The following BMF variants were observed in gnomAD, a reference collection of about 807,000 sequenced individuals.
BMF encodes Bcl2 modifying factor, also known as bcl-2-modifying factor.
A neutral mutation model predicts 22.0 loss-of-function variants in BMF; 10 were observed. The observed-to-expected ratio is 0.45, with a 90% confidence interval of 0.28 to 0.77. The LOEUF (loss-of-function observed/expected upper bound fraction) is 0.77. Among genes scored for constraint, BMF ranks in the 30% least tolerant of loss-of-function variants. BMF has a pLI of 0.13. For missense variants in BMF, 206 were observed against 226.8 expected (o/e 0.91, Z 0.59); for synonymous variants, 87 against 88.1 (o/e 0.99, Z 0.07).
At position 40,104,271 on chromosome 15, in the gene BMF, G is replaced by A. The variant is rs746581474; in HGVS notation, c.362C>T (p.Pro121Leu). Residue 121 changes from proline (P) to leucine (L), a missense_variant, in exon 4 of 5, where the codon CCC (proline) becomes CTC (leucine). Physicochemically the swap from Pro to Leu is moderately conservative, Grantham distance 98 (BLOSUM62 -3). Coordinates refer to ENST00000354670, the MANE Select transcript of BMF (RefSeq NM_001003940.2). ...TGCTTGATGTTGCCACTGCCCTTCG[G>A]GGGGCTGCTCCCCAATGGGCAAGAC... ...PAVLPIGEQP[P>L]EGQWQHQAEV... 6.2e-6 allele frequency: 10 copies of A among 1,614,244 alleles called. No individual in the cohort carries two copies. The highest frequency in any genetic ancestry group is 8.5e-6 in the Non-Finnish European group (10 of 1,180,050).
chr15:40,098,444 T>C (rs1260470135), intron 4 of BMF, among the ~76,000 whole-genome samples: 1 of 150,250 alleles, frequency 6.7e-6, no homozygotes, highest in Non-Finnish European at 1.5e-5. Context: ...GTGTGTGCCC[T>C]GGTTAAAGAA....
At chr15:40,097,015 A>G (rs2036375960) in intron 4 of BMF, among the ~76,000 whole-genome samples, 1 of 152,218 alleles carries the variant, frequency 6.6e-6, no homozygotes, top group Non-Finnish European at 1.5e-5. Flanking sequence ...TTTCCCTGTC[A>G]TTCTCTAAAC....
At chr15:40,094,997 T>A (rs535216304) in intron 4 of BMF, among the ~76,000 whole-genome samples, 38 of 152,356 alleles carry the variant, frequency 2.5e-4, no homozygotes, top group South Asian at 1.2e-3. Flanking sequence ...CACAGCCTTT[T>A]GGAAACCACA....
intron 4 of BMF, among the ~76,000 whole-genome samples, chr15:40,102,181 C>T (rs576518392): frequency 3.3e-5 from 5 of 152,264 alleles, no homozygotes; most frequent in Middle Eastern, 3.4e-3. Flanking sequence ...GTAGTCCCAG[C>T]ACTTTGGGAG....
rs2036213042 is a variant in BMF, at chr15:40,090,611, G to A, written c.*1176C>T. The A allele has an allele frequency of 6.6e-6, 1 of 152,562 alleles. No homozygotes were observed. Among genetic ancestry groups the A allele is most frequent in the Admixed American group, 6.5e-5 (1 of 15,286 alleles). The allele number at this position is 152,562 out of a possible 1,614,324, so 9.5% of individuals were successfully genotyped here. A position where few individuals can be genotyped will look rare whatever the true frequency, so the allele number is the denominator to read the frequency against. On this transcript the variant is annotated 3_prime_UTR_variant, in exon 5 of 5. Transcript: ENST00000354670. ...TGCCCTTCTGGCCTAGCTGGAAGCT[G>A]GAGGAAGATAGGAAATGTGTACCCA...
At chr15:40,108,032 G>T (rs943517213) in intron 2 of BMF, 2 of 152,470 alleles carry the variant, frequency 1.3e-5, no homozygotes, top group African/African-American at 4.8e-5. Context: ...GATGTCCAGA[G>T]CGGTGGGAGG....
At chr15:40,103,549 C>T (rs950976637) in intron 4 of BMF, among the ~76,000 whole-genome samples, 3 of 152,228 alleles carry the variant, frequency 2.0e-5, no homozygotes, top group African/African-American at 4.8e-5. Context: ...CCCGCCCTGG[C>T]GGGGCTGGTG....
intron 4 of BMF, among the ~76,000 whole-genome samples, chr15:40,102,593 T>TG (rs898936019): frequency 6.6e-6 from 1 of 152,066 alleles, no homozygotes; most frequent in Non-Finnish European, 1.5e-5. Flanking sequence ...GGGAATATTC[T>TG]GGGGAATAAC....
At chr15:40,099,650 A>G (rs1217449811) in intron 4 of BMF, among the ~76,000 whole-genome samples, 1 of 152,064 alleles carries the variant, frequency 6.6e-6, no homozygotes, top group Non-Finnish European at 1.5e-5. Context: ...ATGGTGGTGC[A>G]TGCCTGTAAT....
chr15:40,097,199 CTGAG>C (rs2036381519), intron 4 of BMF, among the ~76,000 whole-genome samples: 1 of 150,822 alleles, frequency 6.6e-6, no homozygotes, highest in Non-Finnish European at 1.5e-5. Context: ...AAGCACCCAA[CTGAG>C]CTACCAAGCA....
intron 4 of BMF, among the ~76,000 whole-genome samples, chr15:40,103,579 C>T (rs2036523369): frequency 6.6e-6 from 1 of 152,178 alleles, no homozygotes; most frequent in Non-Finnish European, 1.5e-5. Flanking sequence ...CGGCCAAGCG[C>T]CCGGCTGAGC....
rs2036600692 is a variant in BMF, at chr15:40,106,982, A to C, written c.-5-891T>G. On this transcript the variant is annotated intron_variant, in intron 2 of 4. Transcript: ENST00000354670. The surrounding 1 kb of genome is among the most constrained non-coding windows in gnomAD (Gnocchi z 4.1). The stretch of plus-strand genomic sequence containing the variant: ...TGGTACAACTGGTCTTACAGAAGGA[A>C]GTGAAATTCAGCCCTCTCCCTGTGA... Among the ~76,000 whole-genome samples the C allele has an allele frequency of 6.6e-6, 1 of 152,210 alleles. No homozygotes were observed. Among genetic ancestry groups the C allele is most frequent in the African/African-American group, 2.4e-5 (1 of 41,466 alleles).
intron 4 of BMF, among the ~76,000 whole-genome samples, chr15:40,092,268 G>C (rs1025320606): frequency 3.9e-5 from 6 of 152,134 alleles, no homozygotes; most frequent in Non-Finnish European, 7.3e-5. Flanking sequence ...GCTTCAGAAA[G>C]AGAAGAAGTG....
intron 4 of BMF, among the ~76,000 whole-genome samples, chr15:40,097,838 C>T (rs1297863944): frequency 6.6e-6 from 1 of 152,210 alleles, no homozygotes; most frequent in Non-Finnish European, 1.5e-5. Flanking sequence ...GCCTGGGGAG[C>T]ACCATCTTCC....
intron 4 of BMF, among the ~76,000 whole-genome samples, chr15:40,097,573 C>T (rs1055481478): frequency 1.1e-4 from 17 of 152,286 alleles, no homozygotes; most frequent in African/African-American, 3.6e-4. Flanking sequence ...ATCTGTATGA[C>T]GCCTAGCTCA....
At chr15:40,093,411 C>CAG (rs2036288587) in intron 4 of BMF, among the ~76,000 whole-genome samples, 1 of 152,210 alleles carries the variant, frequency 6.6e-6, no homozygotes, top group South Asian at 2.1e-4. Context: ...GCCTGGCAGA[C>CAG]AGAGGGTGGG....
intron 4 of BMF, among the ~76,000 whole-genome samples, chr15:40,097,394 T>A (rs547186269): frequency 1.3e-5 from 2 of 152,366 alleles, no homozygotes; most frequent in African/African-American, 4.8e-5. Context: ...TGGTTCTCAA[T>A]TGTTTTACAA....
chr15:40,091,637 G>GT lies in BMF; in HGVS notation c.*149dup. On this transcript the variant is annotated 3_prime_UTR_variant, in exon 5 of 5. Coordinates refer to ENST00000354670, the MANE Select transcript of BMF (RefSeq NM_001003940.2). Reference sequence around the variant, plus strand: ...AAAGAAGGTCCCGCTTGAGTATGTTGTATGTACACTCAGAGAGAAATTAAA... The same window carrying GT: ...AAAGAAGGTCCCGCTTGAGTATGTTGTTATGTACACTCAGAGAGAAATTAAA... The GT allele has an allele frequency of 1.6e-6, 1 of 634,198 alleles. No homozygotes were observed. The highest frequency in any genetic ancestry group is 2.8e-6 in the Non-Finnish European group (1 of 360,260). 39.3% of individuals were successfully genotyped at this position (634,198 alleles called of 1,614,324 possible).
rs1304493782 is a variant in BMF, at chr15:40,089,819, G to A, written c.*1968C>T. On this transcript the variant is annotated 3_prime_UTR_variant, in exon 5 of 5. Coordinates refer to ENST00000354670, the MANE Select transcript of BMF (RefSeq NM_001003940.2). Reference sequence around the variant, plus strand: ...CATACACATCATAAAATGGTATGGAGACCCACAGGGAAGGCTGAATTTCAC... The same window carrying A: ...CATACACATCATAAAATGGTATGGAAACCCACAGGGAAGGCTGAATTTCAC... The A allele has an allele frequency of 6.6e-6, 1 of 152,374 alleles. No individual in the cohort carries two copies. The highest frequency in any genetic ancestry group is 6.5e-5 in the Admixed American group (1 of 15,292). 9.4% of individuals were successfully genotyped at this position (152,374 alleles called of 1,614,324 possible). A position where few individuals can be genotyped will look rare whatever the true frequency, so the allele number is the denominator to read the frequency against.
Sources: allele counts gnomAD v4.1 joint callset (sites outside exome capture counted in the v4.1 genomes callset), GRCh38; gene constraint gnomAD v4.1.1; non-coding constraint Gnocchi (gnomAD v3.1); transcripts MANE v1.5; gene names NCBI Gene and HGNC (gene_info 2026-07-23, HGNC 2026-07-21).